LMTK2: variants seen among roughly 807,000 people sequenced by gnomAD.
LMTK2 encodes the protein lemur tail kinase 2.
LMTK2 carries 37 observed loss-of-function variants against 127.5 expected under a neutral mutation model. The ratio of observed to expected loss-of-function variants is 0.29; its 90% CI spans 0.22 to 0.38. The LOEUF is 0.38. Among genes scored for constraint, LMTK2 ranks in the 10% least tolerant of loss-of-function variants. The probability of loss-of-function intolerance (pLI) is 1.00; values close to 1 mark genes in which losing one functional copy is unlikely to be tolerated. For synonymous variants in LMTK2, 819 were observed against 810.1 expected, an observed-to-expected ratio of 1.01 and a Z score of -0.19; for missense variants, 1,694 against 1,920.3, an observed-to-expected ratio of 0.88 and a Z score of 2.20.
chr7:98,184,106 C>G (rs956623288), intron 7 of LMTK2, among the ~76,000 whole-genome samples: 1 of 152,152 alleles, frequency 6.6e-6, no homozygotes, highest in South Asian at 2.1e-4. Context: ...GGGTGACTTG[C>G]AAGATCCAAG....
chr7:98,134,489 T>C (rs541098245), intron 1 of LMTK2, among the ~76,000 whole-genome samples: 3 of 152,326 alleles, frequency 2.0e-5, no homozygotes, highest in East Asian at 1.9e-4. Context: ...ATTTTTATTA[T>C]GTGCATCGGG....
In LMTK2 at chr7:98,187,351, A is replaced by G. The variant is rs146077760; in HGVS notation, c.998+353A>G. Among the ~76,000 whole-genome samples the G allele has an allele frequency of 1.6e-3, 248 of 152,306 alleles. 1 individual carries two copies. The East Asian group carries it at 0.021, about 13-fold the overall frequency. On this transcript the variant is annotated intron_variant, in intron 9 of 13. Transcript: ENST00000297293. ...GGGTGTGGACTATCATGTTTATACT[A>G]TGATTTATAGGAGTCAGTTTAATGG... is the stretch of plus-strand genomic sequence containing the variant.
intron 4 of LMTK2, among the ~76,000 whole-genome samples, chr7:98,151,914 A>G (rs1279724604): frequency 1.3e-5 from 2 of 152,142 alleles, no homozygotes; most frequent in Non-Finnish European, 2.9e-5. Flanking sequence ...CGCATTGGTC[A>G]TTAGGTTTCA....
intron 3 of LMTK2, among the ~76,000 whole-genome samples, chr7:98,147,426 T>C (rs949076129): frequency 6.6e-6 from 1 of 152,158 alleles, no homozygotes; most frequent in Non-Finnish European, 1.5e-5. Context: ...CTCACTGTGT[T>C]GCCTAATTAA....
intron 6 of LMTK2, among the ~76,000 whole-genome samples, chr7:98,166,231 CCT>C (rs1797097001): frequency 6.6e-6 from 1 of 152,200 alleles, no homozygotes; most frequent in Non-Finnish European, 1.5e-5. Context: ...TTCTTTCTCC[CCT>C]GTTGCTGCAG....
chr7:98,164,833 A>G (rs1408592943), intron 6 of LMTK2, among the ~76,000 whole-genome samples: 1 of 152,210 alleles, frequency 6.6e-6, no homozygotes, highest in Non-Finnish European at 1.5e-5. Context: ...CCTTTGCCAC[A>G]TCCTAGTCTT....
chr7:98,196,732 G>A (rs896004206), intron 11 of LMTK2, among the ~76,000 whole-genome samples: 5 of 152,184 alleles, frequency 3.3e-5, no homozygotes, highest in Non-Finnish European at 1.5e-5. Context: ...AATTGCAAAA[G>A]ATGAAGATCT....
At chr7:98,110,298 C>T (rs1184882241) in intron 1 of LMTK2, among the ~76,000 whole-genome samples, 1 of 152,150 alleles carries the variant, frequency 6.6e-6, no homozygotes, top group Non-Finnish European at 1.5e-5. Context: ...ATATAGATTG[C>T]ACTTGCCCAT....
intron 7 of LMTK2, among the ~76,000 whole-genome samples, chr7:98,177,796 T>G (rs888877149): frequency 9.9e-5 from 15 of 152,262 alleles, no homozygotes; most frequent in Non-Finnish European, 1.0e-4. Flanking sequence ...AATGTACCAT[T>G]GCCCAGCTAG....
Position 98,106,915 on chromosome 7 carries a change from G to C in LMTK2, c.-263G>C, listed in dbSNP as rs1356134413. On this transcript the variant is annotated 5_prime_UTR_variant, in exon 1 of 14. Transcript: ENST00000297293. ...GGGAGCGCGGCTTCCCAGGCCCGCC[G>C]CTCCGCAGGGCTGCTGGCGTTGCTG... is the stretch of plus-strand genomic sequence containing the variant. 1.1e-5 allele frequency: 5 copies of C among 444,068 alleles called. No individual in the cohort carries two copies. The highest frequency in any genetic ancestry group is 2.1e-5 in the African/African-American group (1 of 48,752). 27.5% of individuals were successfully genotyped at this position (444,068 alleles called of 1,614,324 possible). A position where few individuals can be genotyped will look rare whatever the true frequency, so the allele number is the denominator to read the frequency against.
rs1010530601 is a variant in LMTK2 at position 98,208,872 on chromosome 7, G to T, written c.*3380G>T. On this transcript the variant is annotated 3_prime_UTR_variant, in exon 14 of 14. Transcript: ENST00000297293. ...ATGGGTTTATCTAAGAAAAGTCTTG[G>T]TTTGTCTTGCTGCTGTAAAAGGCCT... 3 of 152,218 alleles carry T rather than the reference G, an allele frequency of 2.0e-5. No homozygotes were observed. The highest frequency in any genetic ancestry group is 4.4e-5 in the Non-Finnish European group (3 of 68,054). 9.4% of individuals were successfully genotyped at this position (152,218 alleles called of 1,614,324 possible). A position where few individuals can be genotyped will look rare whatever the true frequency, so the allele number is the denominator to read the frequency against.
chr7:98,114,110 A>G (rs1177928409), intron 1 of LMTK2, among the ~76,000 whole-genome samples: 1 of 152,108 alleles, frequency 6.6e-6, no homozygotes, highest in Non-Finnish European at 1.5e-5. Flanking sequence ...CCCAACCACA[A>G]AAGAGTGACT....
At chr7:98,136,885 G>A (rs1310291998) in intron 1 of LMTK2, among the ~76,000 whole-genome samples, 4 of 152,258 alleles carry the variant, frequency 2.6e-5, no homozygotes, top group African/African-American at 9.6e-5. Context: ...AGAGACTGGA[G>A]GAGCTGAGGG....
At position 98,208,246 on chromosome 7, in the gene LMTK2, C is replaced by T. The variant is rs180844153; in HGVS notation, c.*2754C>T. On this transcript the variant is annotated 3_prime_UTR_variant, in exon 14 of 14. Coordinates refer to ENST00000297293, the MANE Select transcript of LMTK2 (RefSeq NM_014916.4). The stretch of plus-strand genomic sequence containing the variant: ...CTTAGTGTGGTGTTGCATGGAGGGG[C>T]GAGATTTTATATTTATAATCAACAC... The T allele has an allele frequency of 2.6e-5, 4 of 151,910 alleles. No homozygotes were observed. Among genetic ancestry groups the T allele is most frequent in the African/African-American group, 4.8e-5 (2 of 41,384 alleles). 9.4% of individuals were successfully genotyped at this position (151,910 alleles called of 1,614,324 possible). A position where few individuals can be genotyped will look rare whatever the true frequency, so the allele number is the denominator to read the frequency against.
rs1454663691 is a variant in LMTK2, at chr7:98,153,283, G to A, written c.451-1475G>A. Reference sequence around the variant, plus strand: ...AATTTCAAAGTGGAAACCAGGGGGAGGCTCTGCAGCAGGGAGAGGCCAGTG... The same window carrying A: ...AATTTCAAAGTGGAAACCAGGGGGAAGCTCTGCAGCAGGGAGAGGCCAGTG... On this transcript the variant is annotated intron_variant, in intron 4 of 13. Transcript: ENST00000297293. Among the ~76,000 whole-genome samples the A allele has an allele frequency of 3.3e-5, 5 of 152,158 alleles. No homozygotes were observed. The East Asian group carries it at 9.7e-4, about 29-fold the overall frequency.
At chr7:98,127,858 T>C (rs1263209513) in intron 1 of LMTK2, among the ~76,000 whole-genome samples, 2 of 152,098 alleles carry the variant, frequency 1.3e-5, no homozygotes, top group Non-Finnish European at 2.9e-5. Context: ...AATAAAAAAT[T>C]AAGGCTGGGC....
In LMTK2 at chr7:98,193,075, C is replaced by G; in HGVS notation, c.2610C>G (p.Leu870=). Residue 870 remains leucine, a synonymous_variant, in exon 11 of 14, where the codon CTC becomes CTG. Coordinates refer to ENST00000297293, the MANE Select transcript of LMTK2 (RefSeq NM_014916.4). This position sits in a 1 kb window ranked among gnomAD's most constrained non-coding sequence, Gnocchi z 4.1. The stretch of plus-strand genomic sequence containing the variant: ...CTGTGACTGTCCCGGTTGAAATTCT[C>G]TCAACTGATGCCAGAACCCACAGCC... ...PDAVTVPVEI[L]STDARTHSLD... 6.2e-7 allele frequency: 1 copy of G among 1,613,870 alleles called. No individual in the cohort carries two copies.
intron 11 of LMTK2, among the ~76,000 whole-genome samples, chr7:98,200,983 A>G (rs1797697111): frequency 6.6e-6 from 1 of 150,530 alleles, no homozygotes; most frequent in Non-Finnish European, 1.5e-5. Context: ...TCCTTCTGGA[A>G]CCCTTTCCCT....
chr7:98,154,535 A>C, intron 4 of LMTK2, among the ~76,000 whole-genome samples: 1 of 152,220 alleles, frequency 6.6e-6, no homozygotes, highest in South Asian at 2.1e-4. Flanking sequence ...ATATGCATAA[A>C]TATGTGAATA....
Sources: gnomAD v4.1 joint callset for allele counts (sites outside exome capture counted in the v4.1 genomes callset) on GRCh38, gnomAD v4.1.1 for gene constraint, Gnocchi (gnomAD v3.1) non-coding constraint, MANE v1.5 for transcripts, NCBI Gene and HGNC (gene_info 2026-07-23, HGNC 2026-07-21) for gene names.